Variants in SPTAN1 observed in about 807,000 individuals in gnomAD.
The protein encoded by SPTAN1 is spectrin alpha, non-erythrocytic 1, also known as spectrin alpha chain, non-erythrocytic 1.
SPTAN1 carries 61 observed loss-of-function variants against 331.3 expected under a neutral mutation model. That is an observed-to-expected ratio of 0.18 (90% CI 0.15 to 0.23). The LOEUF (loss-of-function observed/expected upper bound fraction) is 0.23, where lower values mean the gene tolerates loss of function less well. Among genes scored for constraint, SPTAN1 ranks in the 10% least tolerant of loss-of-function variants. The pLI, the probability that SPTAN1 is intolerant of heterozygous loss-of-function variation, is 1.00. For missense variants in SPTAN1, 2,043 were observed against 3,147.9 expected (o/e 0.65, Z 8.40); for synonymous variants, 1,153 against 1,173.9 (o/e 0.98, Z 0.36).
At chr9:128,570,330 A>ATTT (rs541960678) in intron 3 of SPTAN1, among the ~76,000 whole-genome samples, 2 of 71,894 alleles carry the variant, frequency 2.8e-5, no homozygotes, top group African/African-American at 1.2e-4. Flanking sequence ...ATATATATAT[A>ATTT]TTTTTTTTTT....
intron 1 of SPTAN1, among the ~76,000 whole-genome samples, chr9:128,566,064 T>C (rs1412344126): frequency 6.6e-6 from 1 of 152,132 alleles, no homozygotes; most frequent in Non-Finnish European, 1.5e-5. Flanking sequence ...AAATGGCATA[T>C]TCTTTGTTTT....
intron 28 of SPTAN1, 114 bp downstream of exon 28, chr9:128,603,704 ACT>A: frequency 2.3e-6 from 3 of 1,286,038 alleles, no homozygotes; most frequent in East Asian, 2.3e-5. Context: ...GACATATCTC[ACT>A]CTATTGGGTC....
chr9:128,562,922 G>A (rs1485656093), intron 1 of SPTAN1, among the ~76,000 whole-genome samples: 2 of 148,194 alleles, frequency 1.3e-5, no homozygotes, highest in Non-Finnish European at 3.0e-5. Context: ...CCGAGATCAC[G>A]CCACTGCACT....
In SPTAN1 at chr9:128,577,937, C is replaced by A. The variant is rs1851493546; in HGVS notation, c.1086-173C>A. On this transcript the variant is annotated intron_variant, in intron 8 of 56. Transcript: ENST00000372739. The surrounding 1 kb of genome is among the most constrained non-coding windows in gnomAD (Gnocchi z 4.2). The stretch of plus-strand genomic sequence containing the variant: ...CTAAGTTTTAAAGGGTTGATTTCAG[C>A]CTTCTCTTGCTTTCCTTCACAGTCT... Among the ~76,000 whole-genome samples, 1 of 152,184 alleles carries A rather than the reference C, an allele frequency of 6.6e-6. No homozygotes were observed. Among genetic ancestry groups the A allele is most frequent in the African/African-American group, 2.4e-5 (1 of 41,450 alleles).
At chr9:128,568,455 A>G (rs909127490) in intron 2 of SPTAN1, among the ~76,000 whole-genome samples, 3 of 152,222 alleles carry the variant, frequency 2.0e-5, no homozygotes, top group Non-Finnish European at 2.9e-5. Flanking sequence ...ATGTTCACAT[A>G]AAGGCTAATT....
At chr9:128,623,841 T>C (rs1003751492) in intron 45 of SPTAN1, among the ~76,000 whole-genome samples, 4 of 151,626 alleles carry the variant, frequency 2.6e-5, no homozygotes, top group African/African-American at 9.7e-5. Context: ...ATCCCAGCAC[T>C]TTGGGAAGCC....
chr9:128,600,972 G>GTTTTTTTTTT (rs1474161366), intron 27 of SPTAN1, among the ~76,000 whole-genome samples: 58 of 22,216 alleles, frequency 2.6e-3, no homozygotes, highest in East Asian at 7.5e-3. Context: ...CAGGGAGAAA[G>GTTTTTTTTTT]TCTTTTTTTT....
At chr9:128,562,055 C>G (rs1339534562) in intron 1 of SPTAN1, among the ~76,000 whole-genome samples, 1 of 152,140 alleles carries the variant, frequency 6.6e-6, no homozygotes, top group African/African-American at 2.4e-5. Context: ...GTGGAGACTT[C>G]TGATTCAGAA....
In SPTAN1 at chr9:128,585,915, G is replaced by C. The variant is rs1852546843; in HGVS notation, c.2728G>C (p.Glu910Gln). ...GGCTGAATCCTGGATGCGGGAGAAG[G>C]AACCCATTGTGGGCAGCACTGACTA... Reference protein sequence around the residue: ...NEAESWMREKEPIVGSTDYGK... With the variant: ...NEAESWMREKQPIVGSTDYGK... Residue 910 changes from glutamate to glutamine, a missense_variant, in exon 19 of 57, where the codon GAA becomes CAA. Transcript: ENST00000372739. The C allele has an allele frequency of 3.1e-6, 5 of 1,613,420 alleles. No individual in the cohort carries two copies. In the African/African-American group the frequency reaches 4.0e-5, roughly 13 times the overall value.
chr9:128,570,529 G>C (rs1415090615), intron 3 of SPTAN1, among the ~76,000 whole-genome samples: 2 of 150,882 alleles, frequency 1.3e-5, no homozygotes, highest in Non-Finnish European at 3.0e-5. Flanking sequence ...GTAGAGATGG[G>C]GTTTCATCAT....
chr9:128,630,139 T>C, intron 51 of SPTAN1, 182 bp from the exon 52 acceptor site: 1 of 776,162 alleles, frequency 1.3e-6, no homozygotes. Context: ...ACGGGAGAAA[T>C]GCTCCCTGCC....
Position 128,575,298 on chromosome 9 carries a change from GAAGA to G in SPTAN1, c.609_612del (p.Arg204LeufsTer4). On this transcript the variant is annotated frameshift_variant, in exon 5 of 57. Coordinates refer to ENST00000372739, the MANE Select transcript of SPTAN1 (RefSeq NM_001130438.3). LOFTEE classifies it high-confidence loss of function. ...GTTTCAAACAGATATGGCTGCTCAT[GAAGA>G]AAGAGTTAATGAAGTGAACCAGTTT... The G allele has an allele frequency of 6.2e-7, 1 of 1,613,968 alleles. No homozygotes were observed. Among genetic ancestry groups the G allele is most frequent in the Non-Finnish European group, 8.5e-7 (1 of 1,180,036 alleles).
chr9:128,582,328 GA>G lies in SPTAN1; in HGVS notation c.1573-145del, dbSNP rs5900808. 0.99 allele frequency: 714,906 copies of G among 725,200 alleles called. 352,731 individuals are homozygous for G. The highest frequency in any genetic ancestry group is 1 in the Non-Finnish European group (413,641 of 413,846). The allele number at this position is 725,200 out of a possible 1,614,324, so 44.9% of individuals were successfully genotyped here. A position where few individuals can be genotyped will look rare whatever the true frequency, so the allele number is the denominator to read the frequency against. ...TCAAGCAAAATCTCAAAAGTTATGA[GA>G]AAAAATGTCATCACCAACCTTTGGG... On this transcript the variant is annotated intron_variant, in intron 12 of 56. Coordinates refer to ENST00000372739, the MANE Select transcript of SPTAN1 (RefSeq NM_001130438.3).
intron 2 of SPTAN1, 80 bp downstream of exon 2, chr9:128,567,057 C>T: frequency 6.3e-7 from 1 of 1,589,256 alleles, no homozygotes. Flanking sequence ...AGGAAAGTTA[C>T]TTAATTATGA....
chr9:128,584,232 G>T, intron 16 of SPTAN1, 50 bp from the exon 17 acceptor site: 2 of 1,613,336 alleles, frequency 1.2e-6, no homozygotes, highest in South Asian at 2.2e-5. Flanking sequence ...CTCTGTATAC[G>T]ATAAAACCAC....
intron 21 of SPTAN1, among the ~76,000 whole-genome samples, chr9:128,590,766 A>G (rs10819416): frequency 0.97 from 147,642 of 151,940 alleles, 71,891 homozygotes; most frequent in East Asian, 1. Flanking sequence ...CAGGGGAATC[A>G]CTTAAACCCA....
At position 128,633,406 on chromosome 9, in the gene SPTAN1, G is replaced by C; in HGVS notation, c.*72G>C. The stretch of plus-strand genomic sequence containing the variant: ...TTGCTGCATGTCCGCTCCTCTGTGT[G>C]CTCTCACTTTCCACTGTAACCTTAA... On this transcript the variant is annotated 3_prime_UTR_variant, in exon 57 of 57. Transcript: ENST00000372739. 1.2e-6 allele frequency: 2 copies of C among 1,607,604 alleles called. No individual in the cohort carries two copies. The highest frequency in any genetic ancestry group is 1.7e-6 in the Non-Finnish European group (2 of 1,177,900).
intron 5 of SPTAN1, 101 bp downstream of exon 5, chr9:128,575,446 G>A: frequency 7.3e-7 from 1 of 1,371,674 alleles, no homozygotes; most frequent in East Asian, 2.4e-5. Context: ...ATTTCTGAGT[G>A]AGCAAGTTTT....
chr9:128,611,890 C>T lies in SPTAN1; in HGVS notation c.4905+45C>T, dbSNP rs187618515. On this transcript the variant is annotated intron_variant, in intron 38 of 56. Transcript: ENST00000372739. ...GGTGCCCAGGGAGGAAGATGACCAC[C>T]GTCACTGTCAACCTGATATAATAAC... is the stretch of plus-strand genomic sequence containing the variant. 1.1e-4 allele frequency: 185 copies of T among 1,613,532 alleles called. 1 individual carries two copies. The African/African-American group carries it at 2.1e-3, about 18-fold the overall frequency.
Sources: gnomAD v4.1 joint callset for allele counts (sites outside exome capture counted in the v4.1 genomes callset) on GRCh38, gnomAD v4.1.1 for gene constraint, Gnocchi (gnomAD v3.1) non-coding constraint, MANE v1.5 for transcripts, NCBI Gene and HGNC (gene_info 2026-07-23, HGNC 2026-07-21) for gene names.